The following CWF19L1 variants were observed in gnomAD, a reference collection of about 807,000 sequenced individuals.
The protein encoded by CWF19L1 is CWF19 like cell cycle control factor 1, also known as CWF19-like protein 1.
Under a neutral mutation model 69.7 loss-of-function variants are expected in CWF19L1, and 60 were observed. The ratio of observed to expected loss-of-function variants is 0.86; its 90% CI spans 0.70 to 1.07. The LOEUF (loss-of-function observed/expected upper bound fraction) is 1.07, where lower values mean the gene tolerates loss of function less well. Among genes scored for constraint, CWF19L1 ranks in the 50% least tolerant of loss-of-function variants. The probability of loss-of-function intolerance (pLI) is 0.00; values close to 1 mark genes in which losing one functional copy is unlikely to be tolerated. For synonymous variants in CWF19L1, 209 were observed against 222.2 expected (o/e 0.94, Z 0.53); for missense variants, 591 against 638.9 (o/e 0.92, Z 0.81).
At chr10:100,260,881 T>C in intron 3 of CWF19L1, 85 bp downstream of exon 3, 1 of 854,320 alleles carries the variant, frequency 1.2e-6, no homozygotes, top group Non-Finnish European at 1.8e-6. Context: ...CTTAAATTCT[T>C]AAATAATGAA....
chr10:100,237,987 G>A (rs1384833001), intron 11 of CWF19L1, 35 bp downstream of exon 11: 3 of 1,583,982 alleles, frequency 1.9e-6, no homozygotes, highest in African/African-American at 2.7e-5. Flanking sequence ...AGTCCCCATA[G>A]CGCCCTTCCA....
chr10:100,242,260 G>A lies in CWF19L1; in HGVS notation c.1044+1438C>T, dbSNP rs77671709. On this transcript the variant is annotated intron_variant, in intron 10 of 13. Transcript: ENST00000354105. ...GTTCCTAGATACTCACACCAGGAGT[G>A]TGAATATGGGTATTCCTGTCATTAG... Among the ~76,000 whole-genome samples the A allele has an allele frequency of 7.4e-3, 1,120 of 152,276 alleles. 21 individuals are homozygous for A. Among genetic ancestry groups the A allele is most frequent in the African/African-American group, 0.025 (1,042 of 41,536 alleles).
Position 100,246,928 on chromosome 10 carries a change from T to C in CWF19L1, c.716A>G (p.Tyr239Cys). 1 of 1,604,134 alleles carries C rather than the reference T, an allele frequency of 6.2e-7. No homozygotes were observed. The highest frequency in any genetic ancestry group is 8.5e-7 in the Non-Finnish European group (1 of 1,173,368). ...VGNPEKKKYL[Y>C]AFSIVPMKLM... ...CTTCATGGGAACAATACTGAACGCG[T>C]AAAGATACTTTAGAGAAAAAGAACA... Residue 239 changes from tyrosine (Y) to cysteine (C), a missense_variant, in exon 8 of 14, where the codon TAC becomes TGC. Tyr to Cys is a radical substitution (Grantham distance 194, BLOSUM62 -2). Coordinates refer to ENST00000354105, the MANE Select transcript of CWF19L1 (RefSeq NM_018294.6).
intron 1 of CWF19L1, among the ~76,000 whole-genome samples, chr10:100,267,233 A>G (rs1367909634): frequency 6.7e-6 from 1 of 150,316 alleles, no homozygotes; most frequent in Non-Finnish European, 1.5e-5. Context: ...AGTGGGCCCA[A>G]TGGCTATTTG....
intron 1 of CWF19L1, among the ~76,000 whole-genome samples, chr10:100,265,106 G>A (rs1847529069): frequency 6.7e-6 from 1 of 148,838 alleles, no homozygotes; most frequent in African/African-American, 2.5e-5. Context: ...GGGCGACAGT[G>A]AGACCCTGTC....
chr10:100,248,140 TA>T, intron 7 of CWF19L1: 1 of 554,694 alleles, frequency 1.8e-6, no homozygotes, highest in Admixed American at 2.8e-5. Context: ...AAAGGGCAAT[TA>T]AAAGAAAAAT....
chr10:100,245,207 G>A (rs1279023859), intron 9 of CWF19L1, among the ~76,000 whole-genome samples: 1 of 151,712 alleles, frequency 6.6e-6, no homozygotes, highest in African/African-American at 2.4e-5. Context: ...ATTTTTAGTA[G>A]AGAAGGGGTT....
chr10:100,251,291 A>C (rs550356060), intron 6 of CWF19L1, among the ~76,000 whole-genome samples: 2 of 152,156 alleles, frequency 1.3e-5, no homozygotes, highest in African/African-American at 4.8e-5. Context: ...AAGAACTGCT[A>C]AACAGTTTTC....
chr10:100,261,660 T>C (rs887634906), intron 2 of CWF19L1, among the ~76,000 whole-genome samples: 2 of 152,224 alleles, frequency 1.3e-5, no homozygotes, highest in African/African-American at 4.8e-5. Flanking sequence ...TTAATCCTCA[T>C]CACATTCATG....
rs202183630 is a variant in CWF19L1 at position 100,267,580 on chromosome 10, G to A, written c.14C>T (p.Pro5Leu). The change falls in exon 1 of 14, where the codon CCG becomes CTG. Residue 5 changes from proline (P) to leucine (L), a missense_variant. Physicochemically the swap from Pro to Leu is moderately conservative, Grantham distance 98 (BLOSUM62 -3). Coordinates refer to ENST00000354105, the MANE Select transcript of CWF19L1 (RefSeq NM_018294.6). Reference sequence around the variant, plus strand: ...ATTCACGGTCACTCACAGGCGCAGCGGTTTCTGTGCCATCTGTCCGAATAG... The same window carrying A: ...ATTCACGGTCACTCACAGGCGCAGCAGTTTCTGTGCCATCTGTCCGAATAG... MAQK[P>L]LRLLACGDVE... is the part of the protein sequence containing the mutation. The A allele has an allele frequency of 1.3e-5, 21 of 1,614,070 alleles. No homozygotes were observed. The Admixed American group carries it at 1.8e-4, about 14-fold the overall frequency.
intron 1 of CWF19L1, among the ~76,000 whole-genome samples, chr10:100,265,445 A>T (rs1216232495): frequency 6.7e-6 from 1 of 149,744 alleles, no homozygotes; most frequent in East Asian, 2.0e-4. Context: ...AGTTCTGCAA[A>T]CTCCATTCAT....
chr10:100,240,122 C>T lies in CWF19L1; in HGVS notation c.1045-1891G>A, dbSNP rs114867237. On this transcript the variant is annotated intron_variant, in intron 10 of 13. Coordinates refer to ENST00000354105, the MANE Select transcript of CWF19L1 (RefSeq NM_018294.6). ...TGCCTAATCTCCTCTCTCTTTCAAA[C>T]TCTCACCTTCTAATCTGTTCTATAC... 9.8e-3 allele frequency among the ~76,000 whole-genome samples: 1,498 copies of T among 152,300 alleles called. 26 individuals are homozygous for T. The highest frequency in any genetic ancestry group is 0.035 in the African/African-American group (1,441 of 41,548).
At chr10:100,244,989 T>C (rs777025382) in intron 9 of CWF19L1, among the ~76,000 whole-genome samples, 20 of 151,990 alleles carry the variant, frequency 1.3e-4, no homozygotes, top group Non-Finnish European at 2.9e-4. Context: ...CATAAAGCTC[T>C]AGTTTCTGAA....
At chr10:100,238,858 G>T (rs375374555) in intron 10 of CWF19L1, among the ~76,000 whole-genome samples, 2 of 151,422 alleles carry the variant, frequency 1.3e-5, no homozygotes. Context: ...CTTGAACCCG[G>T]GAGGCAGAGG....
rs756089213 is a variant in CWF19L1 at position 100,262,018 on chromosome 10, A to C, written c.69T>G (p.Asn23Lys). The stretch of plus-strand genomic sequence containing the variant: ...TTTTCTTCTGAATTGCTTGAACTCT[A>C]TTGAATAAAATATCAAACTTTCCTT... ...DVEGKFDILF[N>K]RVQAIQKKSG... The change falls in exon 2 of 14, where the codon AAT (asparagine) becomes AAG (lysine). Residue 23 changes from asparagine to lysine, a missense_variant. Physicochemically the swap from Asn to Lys is moderately conservative, Grantham distance 94 (BLOSUM62 0). Around this residue, in one of 3 missense-constraint regions of CWF19L1, gnomAD observed 129 missense variants for 131.3 expected, o/e 0.98. Transcript: ENST00000354105. 1 of 1,611,104 alleles carries C rather than the reference A, an allele frequency of 6.2e-7. No individual in the cohort carries two copies. Among genetic ancestry groups the C allele is most frequent in the Non-Finnish European group, 8.5e-7 (1 of 1,179,332 alleles).
chr10:100,237,085 A>G lies in CWF19L1; in HGVS notation c.1255-116T>C, dbSNP rs1846467116. On this transcript the variant is annotated intron_variant, in intron 11 of 13. Coordinates refer to ENST00000354105, the MANE Select transcript of CWF19L1 (RefSeq NM_018294.6). ...GGGGTGGAGAAACACCCCTCAGCAC[A>G]GAATATCCTCAGGCCAGACAAGCCT... 9 of 1,255,878 alleles carry G rather than the reference A, an allele frequency of 7.2e-6. No homozygotes were observed. In the East Asian group the frequency reaches 2.1e-4, roughly 29 times the overall value. 77.8% of individuals were successfully genotyped at this position (1,255,878 alleles called of 1,614,324 possible).
At chr10:100,248,298 G>A (rs1207897892) in intron 7 of CWF19L1, 2 of 1,375,726 alleles carry the variant, frequency 1.5e-6, no homozygotes, top group African/African-American at 1.4e-5. Flanking sequence ...TGGCAAGTTT[G>A]GCCTGGCCTT....
At chr10:100,260,859 C>A (rs774880654) in intron 3 of CWF19L1, 107 bp downstream of exon 3, 7 of 750,130 alleles carry the variant, frequency 9.3e-6, no homozygotes, top group Non-Finnish European at 1.5e-5. Flanking sequence ...TTCTTAAATA[C>A]TGAAAATAAC....
intron 1 of CWF19L1, among the ~76,000 whole-genome samples, chr10:100,264,284 G>A (rs11816023): frequency 0.013 from 1,927 of 152,278 alleles, 42 homozygotes; most frequent in African/African-American, 0.044. Context: ...GGTGGCTTAC[G>A]CCTGTAATCC....
Sources: gnomAD v4.1 joint callset for allele counts (sites outside exome capture counted in the v4.1 genomes callset) on GRCh38, gnomAD v4.1.1 for gene constraint, gnomAD v4.1.1 regional missense constraint, MANE v1.5 for transcripts, NCBI Gene and HGNC (gene_info 2026-07-23, HGNC 2026-07-21) for gene names.